The following NAA30 variants were observed in gnomAD, a reference collection of about 807,000 sequenced individuals.
NAA30 encodes the protein N-alpha-acetyltransferase 30.
NAA30 carries 5 observed loss-of-function variants against 31.4 expected under a neutral mutation model. The observed-to-expected ratio is 0.16, with a 90% confidence interval of 0.08 to 0.33. The LOEUF (loss-of-function observed/expected upper bound fraction) is 0.33, where lower values mean the gene tolerates loss of function less well. NAA30 is among the 10% of genes least tolerant of loss of function. The pLI, the probability that NAA30 is intolerant of heterozygous loss-of-function variation, is 1.00. For synonymous variants in NAA30, 222 were observed against 207.1 expected, an observed-to-expected ratio of 1.07 and a Z score of -0.62; for missense variants, 428 against 490.8, an observed-to-expected ratio of 0.87 and a Z score of 1.21.
At chr14:57,403,033 T>C (rs1434974706) in intron 4 of NAA30, among the ~76,000 whole-genome samples, 1 of 152,036 alleles carries the variant, frequency 6.6e-6, no homozygotes, top group East Asian at 1.9e-4. Flanking sequence ...ATACGAAAAT[T>C]AGCTGGGCGT....
intron 4 of NAA30, among the ~76,000 whole-genome samples, chr14:57,407,851 G>A (rs778546147): frequency 6.6e-6 from 1 of 152,106 alleles, no homozygotes; most frequent in Non-Finnish European, 1.5e-5. Context: ...ATGGCAGCTT[G>A]GACTGTGGTA....
chr14:57,396,887 A>G lies in NAA30; in HGVS notation c.895+12A>G. On this transcript the variant is annotated intron_variant, in intron 3 of 4. Transcript: ENST00000556492. ...GAGAAATGGCATTGGTAAGAAAAAT[A>G]TTATTTTATGGAAAGAATGCCTAAG... 2 of 1,612,640 alleles carry G rather than the reference A, an allele frequency of 1.2e-6. No homozygotes were observed. Among genetic ancestry groups the G allele is most frequent in the Non-Finnish European group, 1.7e-6 (2 of 1,178,954 alleles).
chr14:57,399,920 G>T, intron 4 of NAA30, 37 bp downstream of exon 4: 1 of 958,502 alleles, frequency 1.0e-6, no homozygotes, highest in Non-Finnish European at 1.6e-6. Context: ...TTTTATCTGG[G>T]CATTATTCTT....
chr14:57,398,107 A>G (rs1280605525), intron 3 of NAA30, among the ~76,000 whole-genome samples: 1 of 152,256 alleles, frequency 6.6e-6, no homozygotes, highest in Non-Finnish European at 1.5e-5. Context: ...TTTAAAAACT[A>G]TTAAGTGTTA....
intron 2 of NAA30, among the ~76,000 whole-genome samples, chr14:57,396,001 G>A (rs2066448806): frequency 1.3e-5 from 2 of 152,156 alleles, no homozygotes; most frequent in South Asian, 4.1e-4. Context: ...TTGAGATGGG[G>A]TCTCACTCTG....
At chr14:57,407,726 A>G (rs1304232506) in intron 4 of NAA30, among the ~76,000 whole-genome samples, 2 of 152,188 alleles carry the variant, frequency 1.3e-5, no homozygotes, top group South Asian at 4.1e-4. Flanking sequence ...TCTTGAGGAC[A>G]AGAGGGAATC....
In NAA30 at chr14:57,409,380, T is replaced by C; in HGVS notation, c.953T>C (p.Val318Ala). 6.3e-7 allele frequency: 1 copy of C among 1,596,262 alleles called. No individual in the cohort carries two copies. Among genetic ancestry groups the C allele is most frequent in the Admixed American group, 1.8e-5 (1 of 56,260 alleles). ...AGTTTTTTTCTCATTTCTTTGAAGG[T>C]TGTTTTGGAAACCGAAATAACAAAT... ...YAMVEGDCDEVVLETEITNKS... is the reference protein window; with the variant it reads ...YAMVEGDCDEAVLETEITNKS... The change falls in exon 5 of 5, where the codon GTT becomes GCT. Residue 318 changes from valine (V) to alanine (A), a missense_variant and splice_region_variant. By Grantham distance (64) the Val-to-Ala change is moderately conservative. Around this residue, in one of 2 missense-constraint regions of NAA30, gnomAD observed 79 missense variants for 180.3 expected, o/e 0.44. Transcript: ENST00000556492.
In NAA30 at chr14:57,412,043, A is replaced by G. The variant is rs1170862086; in HGVS notation, c.*2527A>G. On this transcript the variant is annotated 3_prime_UTR_variant, in exon 5 of 5. Transcript: ENST00000556492. ...GCAGTTGGTACTGCTGAACATTTTT[A>G]TACATGCTACCATGAAGCTATATAT... 6.6e-6 allele frequency: 1 copy of G among 152,068 alleles called. No individual in the cohort carries two copies. Among genetic ancestry groups the G allele is most frequent in the Non-Finnish European group, 1.5e-5 (1 of 67,984 alleles). 9.4% of individuals were successfully genotyped at this position (152,068 alleles called of 1,614,324 possible).
intron 3 of NAA30, among the ~76,000 whole-genome samples, chr14:57,397,105 G>A (rs991766420): frequency 7.9e-5 from 12 of 152,132 alleles, no homozygotes; most frequent in Admixed American, 2.0e-4. Context: ...ACAAGTAGCC[G>A]ATCATCAGCT....
At chr14:57,390,775 G>A (rs2066422754) in intron 1 of NAA30, 70 bp downstream of exon 1, 2 of 551,996 alleles carry the variant, frequency 3.6e-6, no homozygotes, top group Admixed American at 4.2e-5. Flanking sequence ...GACGGTGGCC[G>A]GCTGAGCAGC....
At position 57,411,165 on chromosome 14, in the gene NAA30, G is replaced by C. The variant is rs557953738; in HGVS notation, c.*1649G>C. The C allele has an allele frequency of 7.3e-5, 11 of 150,676 alleles. No homozygotes were observed. The highest frequency in any genetic ancestry group is 2.4e-4 in the African/African-American group (10 of 40,986). 9.3% of individuals were successfully genotyped at this position (150,676 alleles called of 1,614,324 possible). A position where few individuals can be genotyped will look rare whatever the true frequency, so the allele number is the denominator to read the frequency against. On this transcript the variant is annotated 3_prime_UTR_variant, in exon 5 of 5. Coordinates refer to ENST00000556492, the MANE Select transcript of NAA30 (RefSeq NM_001011713.3). ...AAATAAAGATACACAATTTATATTT[G>C]AAAATAAAAACTTTCTGCTGGTGGG...
intron 4 of NAA30, among the ~76,000 whole-genome samples, chr14:57,401,733 T>G (rs2066478277): frequency 6.6e-6 from 1 of 152,226 alleles, no homozygotes; most frequent in Admixed American, 6.5e-5. Flanking sequence ...TTACTACTTG[T>G]GAGGCAGGCT....
intron 3 of NAA30, among the ~76,000 whole-genome samples, chr14:57,398,489 G>A (rs1371375043): frequency 2.6e-5 from 4 of 152,134 alleles, no homozygotes; most frequent in South Asian, 2.1e-4. Context: ...ACAGAGCTTC[G>A]CTGTATTGCC....
intron 2 of NAA30, among the ~76,000 whole-genome samples, chr14:57,396,148 T>G (rs1447077215): frequency 1.3e-5 from 2 of 152,084 alleles, no homozygotes; most frequent in African/African-American, 4.8e-5. Context: ...CTAATTTAAG[T>G]AATTTTGGTG....
chr14:57,391,506 G>A lies in NAA30; in HGVS notation c.549G>A (p.Gln183=). 1 of 1,612,922 alleles carries A rather than the reference G, an allele frequency of 6.2e-7. No individual in the cohort carries two copies. The highest frequency in any genetic ancestry group is 1.3e-5 in the African/African-American group (1 of 75,078). Residue 183 remains glutamine (Q), a synonymous_variant, in exon 2 of 5, where the codon CAG becomes CAA. Coordinates refer to ENST00000556492, the MANE Select transcript of NAA30 (RefSeq NM_001011713.3). This position sits in a 1 kb window ranked among gnomAD's most constrained non-coding sequence, Gnocchi z 4.1. ...TEQEEEEEDE[Q]VRLLSSSLTA... ...AGGAGGAGGAGGAGGAAGACGAGCA[G>A]GTGCGGCTGCTGTCTTCGTCCCTGA...
intron 4 of NAA30, among the ~76,000 whole-genome samples, chr14:57,401,908 T>G (rs1453639942): frequency 6.6e-6 from 1 of 152,224 alleles, no homozygotes; most frequent in African/African-American, 2.4e-5. Context: ...AAAAAGCTAA[T>G]GCTGATTCAT....
At chr14:57,404,566 C>T (rs936747918) in intron 4 of NAA30, among the ~76,000 whole-genome samples, 2 of 152,102 alleles carry the variant, frequency 1.3e-5, no homozygotes, top group South Asian at 2.1e-4. Flanking sequence ...CACTACCTAC[C>T]TTTCTAGCAC....
At chr14:57,407,473 T>C (rs1164899944) in intron 4 of NAA30, among the ~76,000 whole-genome samples, 1 of 152,132 alleles carries the variant, frequency 6.6e-6, no homozygotes, top group Non-Finnish European at 1.5e-5. Context: ...AAAGGGGCAC[T>C]GTACCCAATC....
chr14:57,401,603 C>T (rs903743102), intron 4 of NAA30, among the ~76,000 whole-genome samples: 9 of 152,256 alleles, frequency 5.9e-5, no homozygotes, highest in South Asian at 4.2e-4. Context: ...GAGAAATCTT[C>T]GGGATAATAG....
Sources: allele counts gnomAD v4.1 joint callset (sites outside exome capture counted in the v4.1 genomes callset), GRCh38; gene constraint gnomAD v4.1.1; regional missense constraint gnomAD v4.1.1; non-coding constraint Gnocchi (gnomAD v3.1); transcripts MANE v1.5; gene names NCBI Gene and HGNC (gene_info 2026-07-23, HGNC 2026-07-21).